CFAP263: variants seen among roughly 807,000 people sequenced by gnomAD.
CFAP263 encodes the protein cilia and flagella associated protein 263, also known as cilia- and flagella-associated protein 263.
chr16:58,270,734 T>C, the CFAP263 span, among the ~76,000 whole-genome samples: 1 of 152,234 alleles, frequency 6.6e-6, no homozygotes, highest in Non-Finnish European at 1.5e-5. Context: ...TTAAGAGTTT[T>C]ATAATTTTAG....
At chr16:58,262,480 A>G in the CFAP263 span, 1 of 1,613,798 alleles carries the variant, frequency 6.2e-7, no homozygotes, top group East Asian at 2.2e-5. Context: ...CAAGGAATCA[A>G]GAACTGACCC....
chr16:58,274,174 G>C, the CFAP263 span, among the ~76,000 whole-genome samples: 1 of 152,218 alleles, frequency 6.6e-6, no homozygotes, highest in Non-Finnish European at 1.5e-5. Context: ...GCAAGGTGTT[G>C]CCAGTCTTTG....
the CFAP263 span, among the ~76,000 whole-genome samples, chr16:58,265,455 C>A: frequency 6.6e-6 from 1 of 152,196 alleles, no homozygotes; most frequent in South Asian, 2.1e-4. Context: ...CAAGAGGGGC[C>A]TCTGGGAGCT....
the CFAP263 span, among the ~76,000 whole-genome samples, chr16:58,269,698 T>C: frequency 7.2e-5 from 11 of 152,246 alleles, no homozygotes; most frequent in African/African-American, 2.7e-4. Context: ...GTTGTGTAGA[T>C]AGACCACATT....
chr16:58,280,514 T>A, the CFAP263 span: 1 of 1,614,168 alleles, frequency 6.2e-7, no homozygotes, highest in Admixed American at 1.7e-5. Flanking sequence ...TCAGAATATG[T>A]CTTCTGTGTC....
chr16:58,271,418 T>A, the CFAP263 span, among the ~76,000 whole-genome samples: 5 of 152,224 alleles, frequency 3.3e-5, no homozygotes, highest in Non-Finnish European at 7.3e-5. Context: ...TGAACCAGTA[T>A]TGATACAGTA....
At chr16:58,252,787 G>A in the CFAP263 span, 29 of 1,613,432 alleles carry the variant, frequency 1.8e-5, no homozygotes, top group Non-Finnish European at 2.4e-5. Flanking sequence ...ACGCTAAACT[G>A]GAGCCCAGGG....
chr16:58,280,632 G>A, the CFAP263 span: 1 of 1,614,192 alleles, frequency 6.2e-7, no homozygotes, highest in East Asian at 2.2e-5. Flanking sequence ...TCCATTTGCT[G>A]TAGTCTTCCA....
At chr16:58,277,508 A>C in the CFAP263 span, among the ~76,000 whole-genome samples, 1 of 152,246 alleles carries the variant, frequency 6.6e-6, no homozygotes, top group Non-Finnish European at 1.5e-5. Context: ...AATATTTAAA[A>C]GACAAGGATT....
chr16:58,265,999 C>T, the CFAP263 span, among the ~76,000 whole-genome samples: 141 of 152,290 alleles, frequency 9.3e-4, no homozygotes, highest in Non-Finnish European at 1.5e-3. Context: ...CCCATCTCCC[C>T]GGCCCCACGT....
chr16:58,282,603 CAT>C, the CFAP263 span: 1 of 152,300 alleles, frequency 6.6e-6, no homozygotes, highest in African/African-American at 2.4e-5. Context: ...CAAGGCCAGA[CAT>C]GTGAGGAAGG....
the CFAP263 span, among the ~76,000 whole-genome samples, chr16:58,255,556 A>G: frequency 1.3e-5 from 2 of 151,610 alleles, no homozygotes; most frequent in African/African-American, 4.8e-5. Context: ...AAAAGTCCCT[A>G]GGTCAGCATT....
chr16:58,280,450 G>A, the CFAP263 span: 15 of 1,613,954 alleles, frequency 9.3e-6, no homozygotes, highest in East Asian at 4.5e-5. Flanking sequence ...TCGTGAATGC[G>A]TGATGGTCCT....
chr16:58,280,979 G>T, the CFAP263 span: 1 of 538,256 alleles, frequency 1.9e-6, no homozygotes, highest in Non-Finnish European at 3.3e-6. Flanking sequence ...GACTTCTGCT[G>T]ATTGCCTATA....
the CFAP263 span, among the ~76,000 whole-genome samples, chr16:58,261,884 A>G: frequency 3.3e-5 from 5 of 152,334 alleles, no homozygotes; most frequent in South Asian, 1.0e-3. Context: ...CAGTGCAGAA[A>G]TATCAGATGA....
the CFAP263 span, chr16:58,280,592 G>T: frequency 6.2e-7 from 1 of 1,614,192 alleles, no homozygotes; most frequent in Non-Finnish European, 8.5e-7. Context: ...GAGGACAGGG[G>T]AGGGCCGGCC....
chr16:58,260,044 C>T, the CFAP263 span: 1 of 647,120 alleles, frequency 1.5e-6, no homozygotes, highest in Admixed American at 3.1e-5. Context: ...ACCCTGGAAT[C>T]TGTGAATACA....
At chr16:58,277,996 G>A in the CFAP263 span, among the ~76,000 whole-genome samples, 3 of 152,170 alleles carry the variant, frequency 2.0e-5, no homozygotes, top group Admixed American at 2.0e-4. Flanking sequence ...TTCTGGAGAT[G>A]GATGGTGGTG....
At chr16:58,259,895 CA>C in the CFAP263 span, 1 of 1,604,666 alleles carries the variant, frequency 6.2e-7, no homozygotes, top group Non-Finnish European at 8.5e-7. Flanking sequence ...ATGTTTCTCT[CA>C]AAGTTCAGAG....
Sources: allele counts gnomAD v4.1 joint callset (sites outside exome capture counted in the v4.1 genomes callset), GRCh38; gene constraint gnomAD v4.1.1; transcripts MANE v1.5; gene names NCBI Gene and HGNC (gene_info 2026-07-23, HGNC 2026-07-21).